The following BEST3 variants were observed in gnomAD, a reference collection of about 807,000 sequenced individuals.
BEST3 encodes bestrophin 3.
Under a neutral mutation model 47.1 loss-of-function variants are expected in BEST3, and 50 were observed. The ratio of observed to expected loss-of-function variants is 1.06; its 90% CI spans 0.85 to 1.34. The LOEUF (loss-of-function observed/expected upper bound fraction) is 1.34, where lower values mean the gene tolerates loss of function less well. Ranked by LOEUF, BEST3 falls within the 40% of genes most tolerant of loss-of-function variation. The probability of loss-of-function intolerance (pLI) is 0.00; values close to 1 mark genes in which losing one functional copy is unlikely to be tolerated. For missense variants in BEST3, 765 were observed against 817.0 expected (o/e 0.94, Z 0.78); for synonymous variants, 282 against 298.8 (o/e 0.94, Z 0.58).
chr12:69,655,704 G>T lies in BEST3; in HGVS notation c.1210C>A (p.His404Asn). The change falls in exon 10 of 10, where the codon CAC becomes AAC. Residue 404 changes from histidine to asparagine, a missense_variant. Transcript: ENST00000330891. Reference protein sequence around the residue: ...RVKRFLSAHEHPSSPRRRSYR... With the variant: ...RVKRFLSAHENPSSPRRRSYR... ...CTTCTTCTTCTGGGGCTGGAGGGGT[G>T]TTCGTGGGCACTCAGGAACCGCTTG... 1 of 1,613,974 alleles carries T rather than the reference G, an allele frequency of 6.2e-7. No individual in the cohort carries two copies. The highest frequency in any genetic ancestry group is 8.5e-7 in the Non-Finnish European group (1 of 1,179,988).
At chr12:69,673,386 A>G (rs567130567) in intron 7 of BEST3, among the ~76,000 whole-genome samples, 1 of 152,340 alleles carries the variant, frequency 6.6e-6, no homozygotes, top group Non-Finnish European at 1.5e-5. Context: ...AACAGTAAAG[A>G]AAGACTTAAA....
chr12:69,647,702 A>C (rs910623366), intron 9 of BEST3, among the ~76,000 whole-genome samples: 1 of 152,226 alleles, frequency 6.6e-6, no homozygotes, highest in African/African-American at 2.4e-5. Flanking sequence ...GGGATGGGGA[A>C]GGATTTCTCA....
rs112679099 is a variant in BEST3, at chr12:69,647,612, A to C, written c.1101-3825T>G. ...GGGGGATAATTGGCTCACTCTATGG[A>C]GAAAAAAACAACAAAACTTATCCCT... On this transcript the variant is annotated intron_variant, in intron 9 of 9. Transcript: ENST00000331471. Among the ~76,000 whole-genome samples the C allele has an allele frequency of 7.4e-3, 1,121 of 152,264 alleles. 13 individuals are homozygous for C. Among genetic ancestry groups the C allele is most frequent in the African/African-American group, 0.025 (1,046 of 41,526 alleles).
At chr12:69,671,626 T>A in intron 8 of BEST3, 47 bp from the exon 9 acceptor site, 1 of 1,592,932 alleles carries the variant, frequency 6.3e-7, no homozygotes, top group Non-Finnish European at 8.6e-7. Flanking sequence ...GTAAATTAAA[T>A]AAAAAGGAGA....
At chr12:69,686,779 C>CAAACAAAAAAAAACA (rs1555208519) in intron 4 of BEST3, among the ~76,000 whole-genome samples, 1 of 99,382 alleles carries the variant, frequency 1.0e-5, no homozygotes, top group Non-Finnish European at 2.0e-5. Context: ...CTCAAAAAAA[C>CAAACAAAAAAAAACA]AAAAAAAAAA....
chr12:69,659,086 A>C (rs117908863), intron 9 of BEST3, among the ~76,000 whole-genome samples: 14 of 152,304 alleles, frequency 9.2e-5, no homozygotes, highest in Non-Finnish European at 1.9e-4. Flanking sequence ...GGTCTTTAGA[A>C]GCACGCTTGG....
At chr12:69,652,841 T>C (rs1348073897), downstream of BEST3, among the ~76,000 whole-genome samples, 1 of 152,166 alleles carries the variant, frequency 6.6e-6, no homozygotes, top group East Asian at 1.9e-4. Flanking sequence ...ATTAAGAGCC[T>C]GGTGACTGGG....
At chr12:69,668,806 C>T (rs189785968) in intron 9 of BEST3, among the ~76,000 whole-genome samples, 77 of 152,246 alleles carry the variant, frequency 5.1e-4, no homozygotes, top group Admixed American at 8.5e-4. Context: ...TATGTGAGCC[C>T]GAGCCCAGTC....
chr12:69,664,362 C>T (rs1196077900), intron 9 of BEST3, among the ~76,000 whole-genome samples: 2 of 152,144 alleles, frequency 1.3e-5, no homozygotes, highest in East Asian at 3.9e-4. Context: ...GCACAGGCAC[C>T]ATCTCCCCCT....
At chr12:69,671,347 T>A (rs1593158351) in intron 9 of BEST3, 81 bp downstream of exon 9, 5 of 5,424 alleles carry the variant, frequency 9.2e-4, no homozygotes, top group East Asian at 2.0e-3. Flanking sequence ...ATTTTATTTC[T>A]TTTTTTTTTT....
At chr12:69,687,663 C>CA (rs3050215) in intron 4 of BEST3, among the ~76,000 whole-genome samples, 40,932 of 126,504 alleles carry the variant, frequency 0.32, 7,268 homozygotes, top group South Asian at 0.55. Context: ...GAACGTGTCT[C>CA]AAAAAAAAAA....
chr12:69,647,993 C>T (rs1461946764), intron 9 of BEST3, among the ~76,000 whole-genome samples: 1 of 152,198 alleles, frequency 6.6e-6, no homozygotes, highest in African/African-American at 2.4e-5. Context: ...TGCACAGGCA[C>T]ATGAAGAGAT....
At chr12:69,677,307 A>C in intron 5 of BEST3, 50 bp from the exon 6 acceptor site, 1 of 1,493,584 alleles carries the variant, frequency 6.7e-7, no homozygotes, top group Non-Finnish European at 9.2e-7. Flanking sequence ...CGGGTGTGGT[A>C]ATAAGTACTT....
intron 4 of BEST3, chr12:69,683,981 T>C (rs17813581): frequency 0.021 from 3,194 of 152,300 alleles, 53 homozygotes; most frequent in South Asian, 0.037. Context: ...CAGAGACCAA[T>C]ATTTTTTTCA....
intron 4 of BEST3, chr12:69,689,290 C>G: frequency 1.0e-6 from 1 of 985,390 alleles, no homozygotes. Flanking sequence ...GGGAAAGCAG[C>G]AGGAAGTTCA....
At chr12:69,650,784 C>T (rs1205509080), downstream of BEST3, among the ~76,000 whole-genome samples, 3 of 151,934 alleles carry the variant, frequency 2.0e-5, no homozygotes, top group African/African-American at 7.3e-5. Flanking sequence ...GAATTCATTG[C>T]CATGGTGATG....
intron 4 of BEST3, among the ~76,000 whole-genome samples, chr12:69,688,279 C>G (rs1885749232): frequency 6.6e-6 from 1 of 152,166 alleles, no homozygotes; most frequent in African/African-American, 2.4e-5. Context: ...ATTGGAATGA[C>G]TGGAATTTTC....
chr12:69,654,376 A>T lies in BEST3; in HGVS notation c.*531T>A. On this transcript the variant is annotated 3_prime_UTR_variant, in exon 10 of 10. Transcript: ENST00000330891. ...TTAAGAATCAGGAAGTGATAATAAC[A>T]ATAATAGTTATAAAAGTAGGAATGA... The T allele has an allele frequency of 2.5e-5, 25 of 985,228 alleles. No homozygotes were observed. The highest frequency in any genetic ancestry group is 2.9e-5 in the Non-Finnish European group (24 of 829,704). The allele number at this position is 985,228 out of a possible 1,614,324, so 61.0% of individuals were successfully genotyped here.
chr12:69,663,558 G>A (rs1271976106), intron 9 of BEST3, among the ~76,000 whole-genome samples: 1 of 152,186 alleles, frequency 6.6e-6, no homozygotes, highest in Non-Finnish European at 1.5e-5. Flanking sequence ...GCTGGGTACG[G>A]TGGCTCCCAC....
Sources: gnomAD v4.1 joint callset for allele counts (sites outside exome capture counted in the v4.1 genomes callset) on GRCh38, gnomAD v4.1.1 for gene constraint, MANE v1.5 for transcripts, NCBI Gene and HGNC (gene_info 2026-07-23, HGNC 2026-07-21) for gene names.